The following ACO1 variants were observed in gnomAD, a reference collection of about 807,000 sequenced individuals.
ACO1 encodes the protein cytoplasmic aconitate hydratase.
Under a neutral mutation model 105.1 loss-of-function variants are expected in ACO1, and 78 were observed. The ratio of observed to expected loss-of-function variants is 0.74; its 90% CI spans 0.62 to 0.90. ACO1 has a LOEUF of 0.90. ACO1 is among the 40% of genes least tolerant of loss of function. The pLI, the probability that ACO1 is intolerant of heterozygous loss-of-function variation, is 0.00. For missense variants in ACO1, 965 were observed against 1,111.1 expected (o/e 0.87, Z 1.87); for synonymous variants, 364 against 397.4 (o/e 0.92, Z 1.00).
At position 32,404,685 on chromosome 9, in the gene ACO1, G is replaced by A. The variant is rs543574453; in HGVS notation, c.-22-800G>A. Among the ~76,000 whole-genome samples the A allele has an allele frequency of 2.8e-4, 43 of 152,230 alleles. 2 individuals carry two copies. In the South Asian group the frequency reaches 4.1e-3, roughly 15 times the overall value. ...ACAGGTCTCTTCCTGAGCCCTGGAG[G>A]CATTTTGATTGTGACTCCCATTTTA... On this transcript the variant is annotated intron_variant, in intron 1 of 20. Coordinates refer to ENST00000309951, the MANE Select transcript of ACO1 (RefSeq NM_002197.3).
chr9:32,452,310 AT>A lies in ACO1; in HGVS notation c.*2200del, dbSNP rs1372135919. 2.0e-5 allele frequency: 3 copies of A among 152,358 alleles called. No individual in the cohort carries two copies. The highest frequency in any genetic ancestry group is 1.3e-4 in the Admixed American group (2 of 15,298). 9.4% of individuals were successfully genotyped at this position (152,358 alleles called of 1,614,324 possible). ...TGGTGAAACCTTAACCCCCCAGGTA[AT>A]GGTAATAGAAGCTGGGGCCTTTGGA... On this transcript the variant is annotated 3_prime_UTR_variant, in exon 21 of 21. Transcript: ENST00000309951.
chr9:32,418,257 G>C (rs978139256), intron 5 of ACO1, 60 bp downstream of exon 5: 114 of 1,612,330 alleles, frequency 7.1e-5, no homozygotes, highest in Non-Finnish European at 9.2e-5. Context: ...ACGAGGGAGA[G>C]ATGCCAAGGA....
intron 19 of ACO1, among the ~76,000 whole-genome samples, chr9:32,443,243 G>C (rs917884613): frequency 6.6e-6 from 1 of 152,006 alleles, no homozygotes; most frequent in Non-Finnish European, 1.5e-5. Flanking sequence ...ATGTATTCAA[G>C]ATGTAATTCC....
intron 1 of ACO1, among the ~76,000 whole-genome samples, chr9:32,389,180 G>A (rs1005850067): frequency 4.6e-5 from 7 of 152,206 alleles, no homozygotes; most frequent in African/African-American, 1.4e-4. Flanking sequence ...GTATTTCCCT[G>A]TGATTCTGTA....
In ACO1 at chr9:32,450,285, A is replaced by G; in HGVS notation, c.*174A>G. 2.8e-6 allele frequency: 2 copies of G among 709,444 alleles called. No individual in the cohort carries two copies. The highest frequency in any genetic ancestry group is 3.0e-5 in the South Asian group (2 of 65,936). The allele number at this position is 709,444 out of a possible 1,614,324, so 43.9% of individuals were successfully genotyped here. ...TAGGCACAAAACCAGAAGTTTCTACATTCTCTATTTTTGTTAATCATCTTC... is the reference window on the plus strand; with the variant it reads ...TAGGCACAAAACCAGAAGTTTCTACGTTCTCTATTTTTGTTAATCATCTTC... On this transcript the variant is annotated 3_prime_UTR_variant, in exon 21 of 21. Coordinates refer to ENST00000309951, the MANE Select transcript of ACO1 (RefSeq NM_002197.3).
At chr9:32,394,844 T>G (rs1409523492) in intron 1 of ACO1, among the ~76,000 whole-genome samples, 1 of 152,106 alleles carries the variant, frequency 6.6e-6, no homozygotes, top group African/African-American at 2.4e-5. Flanking sequence ...TTAGCATGAG[T>G]CATAATCCCC....
intron 1 of ACO1, among the ~76,000 whole-genome samples, chr9:32,398,624 T>A (rs1821423510): frequency 6.6e-6 from 1 of 151,926 alleles, no homozygotes. Flanking sequence ...GACAGAGTCT[T>A]GCTCTGTTAC....
In ACO1 at chr9:32,446,376, A is replaced by G. The variant is rs60831200; in HGVS notation, c.2371-2520A>G. 4.8e-3 allele frequency among the ~76,000 whole-genome samples: 727 copies of G among 152,230 alleles called. 6 individuals are homozygous for G. The highest frequency in any genetic ancestry group is 0.017 in the African/African-American group (702 of 41,546). ...TGTCTCTTTTGATCTTTGTTGGTTT[A>G]AAGTCTGTTTTATCAGAGACTAGGA... On this transcript the variant is annotated intron_variant, in intron 19 of 20. Transcript: ENST00000309951.
chr9:32,386,948 A>C (rs992697456), intron 1 of ACO1, among the ~76,000 whole-genome samples: 1 of 152,212 alleles, frequency 6.6e-6, no homozygotes, highest in Non-Finnish European at 1.5e-5. Flanking sequence ...TCTATTATAT[A>C]GTCAGAGTGT....
At chr9:32,414,242 T>A (rs1821802961) in intron 4 of ACO1, among the ~76,000 whole-genome samples, 1 of 152,246 alleles carries the variant, frequency 6.6e-6, no homozygotes, top group South Asian at 2.1e-4. Context: ...TTTCTGGAGC[T>A]CCATTAAATG....
Position 32,416,302 on chromosome 9 carries a change from C to G in ACO1, c.405-1826C>G, listed in dbSNP as rs549731619. On this transcript the variant is annotated intron_variant, in intron 4 of 20. Coordinates refer to ENST00000309951, the MANE Select transcript of ACO1 (RefSeq NM_002197.3). ...CAGAGATGGGGTTTCACCATGTTGG[C>G]CAGTCTGGTCTTGAACTCCTGACCT... 2.6e-5 allele frequency among the ~76,000 whole-genome samples: 4 copies of G among 152,076 alleles called. No individual in the cohort carries two copies. In the South Asian group the frequency reaches 6.3e-4, roughly 24 times the overall value.
At chr9:32,442,722 A>G (rs1822509932) in intron 19 of ACO1, among the ~76,000 whole-genome samples, 1 of 152,168 alleles carries the variant, frequency 6.6e-6, no homozygotes, top group Non-Finnish European at 1.5e-5. Context: ...ATCAAGGGAA[A>G]AATTTTATGT....
chr9:32,418,935 C>T, intron 6 of ACO1, 103 bp from the exon 7 acceptor site: 24 of 1,321,562 alleles, frequency 1.8e-5, no homozygotes, highest in Middle Eastern at 3.9e-4. Flanking sequence ...ACCAATTAAA[C>T]GTTGTAACTG....
At chr9:32,409,075 A>G (rs1382658409) in intron 4 of ACO1, among the ~76,000 whole-genome samples, 3 of 152,184 alleles carry the variant, frequency 2.0e-5, no homozygotes, top group African/African-American at 4.8e-5. Flanking sequence ...GTGGGTTTCC[A>G]TAATGCCTAT....
At position 32,417,284 on chromosome 9, in the gene ACO1, A is replaced by T. The variant is rs80354874; in HGVS notation, c.405-844A>T. Among the ~76,000 whole-genome samples the T allele has an allele frequency of 9.2e-5, 14 of 152,208 alleles. No individual in the cohort carries two copies. The East Asian group carries it at 2.7e-3, about 29-fold the overall frequency. ...ATAGTTGCTGGTTCCTAGTAGTGTCAAAAAGTGTTAACTACTGGGTACTAG... is the reference window on the plus strand; with the variant it reads ...ATAGTTGCTGGTTCCTAGTAGTGTCTAAAAGTGTTAACTACTGGGTACTAG... On this transcript the variant is annotated intron_variant, in intron 4 of 20. Coordinates refer to ENST00000309951, the MANE Select transcript of ACO1 (RefSeq NM_002197.3).
chr9:32,449,540 G>T (rs898879083), intron 20 of ACO1, among the ~76,000 whole-genome samples: 5 of 152,170 alleles, frequency 3.3e-5, no homozygotes, highest in African/African-American at 1.2e-4. Flanking sequence ...GGTCCCAGGG[G>T]TCATTCGGTG....
Position 32,429,452 on chromosome 9 carries a change from C to T in ACO1, c.1518C>T (p.Cys506=). The change falls in exon 13 of 21, where the codon TGC becomes TGT. Residue 506 remains cysteine, a synonymous_variant. Transcript: ENST00000309951. ...TGGTGGGCTATGGCTGCATGACCTG[C>T]ATTGGCAACAGTGGGCCTTTACCTG... ...FDVVGYGCMT[C]IGNSGPLPEP... is the part of the protein sequence containing the mutation. 1 of 1,614,182 alleles carries T rather than the reference C, an allele frequency of 6.2e-7. No homozygotes were observed. The highest frequency in any genetic ancestry group is 2.2e-5 in the East Asian group (1 of 44,882).
At chr9:32,409,731 G>A (rs10970966) in intron 4 of ACO1, among the ~76,000 whole-genome samples, 46,458 of 151,844 alleles carry the variant, frequency 0.31, 7,927 homozygotes, top group Non-Finnish European at 0.39. Flanking sequence ...GTGTGTGCCT[G>A]TGGTCCCAGC....
chr9:32,407,129 G>T (rs909122869), intron 2 of ACO1, 132 bp from the exon 3 acceptor site: 1 of 806,198 alleles, frequency 1.2e-6, no homozygotes. Flanking sequence ...TTAAACTGTT[G>T]GTCACTTTAC....
Sources: allele counts gnomAD v4.1 joint callset (sites outside exome capture counted in the v4.1 genomes callset), GRCh38; gene constraint gnomAD v4.1.1; transcripts MANE v1.5; gene names NCBI Gene and HGNC (gene_info 2026-07-23, HGNC 2026-07-21).